The following ING5 variants were observed in gnomAD, a reference collection of about 807,000 sequenced individuals.
ING5 encodes the protein inhibitor of growth protein 5.
ING5 carries 17 observed loss-of-function variants against 37.4 expected under a neutral mutation model. The ratio of observed to expected loss-of-function variants is 0.45; its 90% CI spans 0.31 to 0.68. The LOEUF is 0.68. Ranked by LOEUF, ING5 falls within the 30% of genes least tolerant of loss-of-function variation. ING5 has a pLI of 0.05. For missense variants in ING5, 233 were observed against 311.9 expected (o/e 0.75, Z 1.91); for synonymous variants, 123 against 116.6 (o/e 1.06, Z -0.36).
rs1283067685 is a variant in ING5 at position 241,728,800 on chromosome 2, G to A, written c.*3769G>A. On this transcript the variant is annotated 3_prime_UTR_variant, in exon 8 of 8. Transcript: ENST00000313552. ...GACCGCCCGTCTCACTGTTGGCCAG[G>A]GCTTTGTGGCGTGGGTGTTTTCCAG... 1.3e-5 allele frequency: 2 copies of A among 152,310 alleles called. No homozygotes were observed. Among genetic ancestry groups the A allele is most frequent in the South Asian group, 2.1e-4 (1 of 4,832 alleles). The allele number at this position is 152,310 out of a possible 1,614,324, so 9.4% of individuals were successfully genotyped here. A position where few individuals can be genotyped will look rare whatever the true frequency, so the allele number is the denominator to read the frequency against.
chr2:241,694,000 T>G (rs1257442893), intron 2 of ING5: 1 of 151,816 alleles, frequency 6.6e-6, no homozygotes. Context: ...CAAAAGGGTT[T>G]GCCAGTTTTG....
rs1691729691 is a variant in ING5, at chr2:241,729,110, TA to T, written c.*4081del. 6.6e-6 allele frequency: 1 copy of T among 152,484 alleles called. No homozygotes were observed. Among genetic ancestry groups the T allele is most frequent in the South Asian group, 2.1e-4 (1 of 4,836 alleles). 9.4% of individuals were successfully genotyped at this position (152,484 alleles called of 1,614,324 possible). A position where few individuals can be genotyped will look rare whatever the true frequency, so the allele number is the denominator to read the frequency against. ...ATGTTAATTATGGGCATTGAAGACTTAAGGTTTTCTTAAATTTTTAGTGAGC... is the reference window on the plus strand; with the variant it reads ...ATGTTAATTATGGGCATTGAAGACTTAGGTTTTCTTAAATTTTTAGTGAGC... On this transcript the variant is annotated 3_prime_UTR_variant, in exon 8 of 8. Transcript: ENST00000313552.
chr2:241,721,466 C>A, intron 5 of ING5: 1 of 985,472 alleles, frequency 1.0e-6, no homozygotes, highest in Non-Finnish European at 1.2e-6. Context: ...GCGGGGAGGC[C>A]GGGTGCATGC....
At chr2:241,688,966 T>A (rs2069503671) in intron 1 of ING5, among the ~76,000 whole-genome samples, 1 of 150,972 alleles carries the variant, frequency 6.6e-6, no homozygotes, top group African/African-American at 2.5e-5. Flanking sequence ...GCCCGGCTAA[T>A]TTTTTTTGTA....
intron 5 of ING5, among the ~76,000 whole-genome samples, chr2:241,717,234 T>C (rs2070299429): frequency 6.6e-6 from 1 of 151,898 alleles, no homozygotes; most frequent in African/African-American, 2.4e-5. Context: ...ACTCACCTGG[T>C]TAATTTTTGT....
chr2:241,724,714 A>G (rs972779818), intron 7 of ING5: 4 of 512,030 alleles, frequency 7.8e-6, no homozygotes, highest in Admixed American at 6.7e-5. Context: ...CCGGGGAAGA[A>G]GGACCCACCT....
At chr2:241,701,992 G>T, upstream of ING5, 1 of 1,129,398 alleles carries the variant, frequency 8.9e-7, no homozygotes, top group Non-Finnish European at 1.1e-6. Context: ...TAGTGAGCGC[G>T]CTGGCACCGC....
intron 4 of ING5, chr2:241,711,703 C>T (rs2070115987): frequency 1.8e-6 from 1 of 565,680 alleles, no homozygotes; most frequent in African/African-American, 1.9e-5. Context: ...GAGTTTGAGA[C>T]CAACCTGGGC....
intron 1 of ING5, among the ~76,000 whole-genome samples, chr2:241,688,784 C>T (rs1463535112): frequency 4.6e-5 from 7 of 150,574 alleles, no homozygotes; most frequent in African/African-American, 1.7e-4. Flanking sequence ...CCACCACGCC[C>T]GGCTAATTTT....
chr2:241,709,396 G>A lies in ING5; in HGVS notation c.276+14G>A, dbSNP rs367742088. On this transcript the variant is annotated intron_variant, in intron 3 of 7. Coordinates refer to ENST00000313552, the MANE Select transcript of ING5 (RefSeq NM_032329.6). ...ACCTACGAGATGGTGAGGGCGGGGCGGGGGCCATGGCTCTTCCTCTGACCT... is the reference window on the plus strand; with the variant it reads ...ACCTACGAGATGGTGAGGGCGGGGCAGGGGCCATGGCTCTTCCTCTGACCT... 3.9e-5 allele frequency: 63 copies of A among 1,604,676 alleles called. No homozygotes were observed. Among genetic ancestry groups the A allele is most frequent in the Non-Finnish European group, 5.0e-5 (59 of 1,174,692 alleles).
At chr2:241,716,371 C>A (rs2070269415) in intron 5 of ING5, among the ~76,000 whole-genome samples, 1 of 142,906 alleles carries the variant, frequency 7.0e-6, no homozygotes, top group South Asian at 2.3e-4. Flanking sequence ...TGGCTCACTA[C>A]AACCTCTGCT....
chr2:241,725,358 C>A lies in ING5; in HGVS notation c.*327C>A. 1 of 344,238 alleles carries A rather than the reference C, an allele frequency of 2.9e-6. No individual in the cohort carries two copies. Among genetic ancestry groups the A allele is most frequent in the Non-Finnish European group, 5.5e-6 (1 of 183,370 alleles). The allele number at this position is 344,238 out of a possible 1,614,324, so 21.3% of individuals were successfully genotyped here. ...GCGGGCGGGGACATGGTAACCTGGTCCACGGAGGGCGGCCGCCACCCTCGC... is the reference window on the plus strand; with the variant it reads ...GCGGGCGGGGACATGGTAACCTGGTACACGGAGGGCGGCCGCCACCCTCGC... On this transcript the variant is annotated 3_prime_UTR_variant, in exon 8 of 8. Transcript: ENST00000313552.
At chr2:241,689,728 C>G (rs910495529) in intron 1 of ING5, 2 of 152,220 alleles carry the variant, frequency 1.3e-5, no homozygotes, top group Non-Finnish European at 2.9e-5. Flanking sequence ...CGAACGCTTA[C>G]AAGTACTAAG....
upstream of ING5, among the ~76,000 whole-genome samples, chr2:241,697,798 A>G (rs534599740): frequency 9.8e-4 from 149 of 152,284 alleles, 1 homozygote; most frequent in African/African-American, 3.3e-3. Flanking sequence ...AGAATGCACA[A>G]GGCACTGGGC....
chr2:241,707,758 C>G (rs1200987185), intron 2 of ING5, among the ~76,000 whole-genome samples: 1 of 152,200 alleles, frequency 6.6e-6, no homozygotes, highest in Non-Finnish European at 1.5e-5. Flanking sequence ...GTGAACCTCT[C>G]TGTTGTCTGC....
chr2:241,725,565 G>C lies in ING5; in HGVS notation c.*534G>C, dbSNP rs1691587669. 6.6e-6 allele frequency: 1 copy of C among 152,242 alleles called. No individual in the cohort carries two copies. Among genetic ancestry groups the C allele is most frequent in the African/African-American group, 2.4e-5 (1 of 41,428 alleles). 9.4% of individuals were successfully genotyped at this position (152,242 alleles called of 1,614,324 possible). On this transcript the variant is annotated 3_prime_UTR_variant, in exon 8 of 8. Transcript: ENST00000313552. ...CGCTCCCGCGTGGGGCGCCTCGGAT[G>C]GGCCCGGGAGGGCTGGGGGCTCTTC...
chr2:241,703,972 C>T (rs960979594), intron 1 of ING5, among the ~76,000 whole-genome samples: 12 of 152,060 alleles, frequency 7.9e-5, no homozygotes, highest in Non-Finnish European at 1.8e-4. Context: ...GCTCAATGCA[C>T]TGGATTTCTG....
At chr2:241,720,952 T>C in intron 5 of ING5, 1 of 985,252 alleles carries the variant, frequency 1.0e-6, no homozygotes, top group African/African-American at 1.7e-5. Context: ...TGCTGGGCGG[T>C]CCCCTCAGGC....
At chr2:241,717,920 C>T (rs1417317771) in intron 5 of ING5, among the ~76,000 whole-genome samples, 2 of 152,168 alleles carry the variant, frequency 1.3e-5, no homozygotes, top group Non-Finnish European at 2.9e-5. Context: ...GCTCCCTGTG[C>T]GTTCCTTAGC....
Sources: allele counts gnomAD v4.1 joint callset (sites outside exome capture counted in the v4.1 genomes callset), GRCh38; gene constraint gnomAD v4.1.1; transcripts MANE v1.5; gene names NCBI Gene and HGNC (gene_info 2026-07-23, HGNC 2026-07-21).